Variants in LCMT1 observed in about 807,000 individuals in gnomAD.
The protein encoded by LCMT1 is [Phosphatase 2A protein]-leucine-carboxy methyltransferase 1.
LCMT1 carries 32 observed loss-of-function variants against 47.7 expected under a neutral mutation model. The observed-to-expected ratio is 0.67, with a 90% CI of 0.51 to 0.90. LCMT1 has a LOEUF of 0.90. LCMT1 is among the 40% of genes least tolerant of loss of function. The pLI is 0.00. For missense variants in LCMT1, 375 were observed against 415.2 expected (o/e 0.90, Z 0.84); for synonymous variants, 152 against 149.7 (o/e 1.02, Z -0.11).
chr16:25,128,750 T>C (rs1230688708), intron 2 of LCMT1, among the ~76,000 whole-genome samples, 184 bp downstream of exon 2: 1 of 151,806 alleles, frequency 6.6e-6, no homozygotes, highest in Admixed American at 6.6e-5. Context: ...AATGAGATCA[T>C]GTCCTTTGCA....
intron 1 of LCMT1, among the ~76,000 whole-genome samples, chr16:25,123,448 A>ATC (rs1412627233): frequency 1.3e-5 from 2 of 150,200 alleles, no homozygotes. Flanking sequence ...TGGTCTCAAA[A>ATC]TCCTGACCTC....
At chr16:25,129,500 A>G (rs1442810177) in intron 2 of LCMT1, among the ~76,000 whole-genome samples, 2 of 152,206 alleles carry the variant, frequency 1.3e-5, no homozygotes, top group Admixed American at 1.3e-4. Flanking sequence ...TTTGAAGCCC[A>G]TTTAAATATC....
At chr16:25,142,491 G>T (rs927769122) in intron 4 of LCMT1, 2 of 152,160 alleles carry the variant, frequency 1.3e-5, no homozygotes, top group African/African-American at 4.8e-5. Context: ...AGCTTTTAGG[G>T]AGTGCAAGAG....
chr16:25,149,418 T>A (rs1960997961), intron 4 of LCMT1, among the ~76,000 whole-genome samples: 1 of 152,204 alleles, frequency 6.6e-6, no homozygotes, highest in African/African-American at 2.4e-5. Flanking sequence ...TTAGATTTCC[T>A]AAGGCTAGTT....
chr16:25,153,935 A>G (rs1046545901), intron 5 of LCMT1, among the ~76,000 whole-genome samples: 2 of 152,180 alleles, frequency 1.3e-5, no homozygotes, highest in Non-Finnish European at 2.9e-5. Flanking sequence ...ACTGAGTGAC[A>G]GCATGAGATG....
At chr16:25,143,317 TGAAA>T (rs1294552369) in intron 4 of LCMT1, 1 of 152,184 alleles carries the variant, frequency 6.6e-6, no homozygotes, top group Non-Finnish European at 1.5e-5. Context: ...GTGCGTCTCC[TGAAA>T]GAGTTTGGCT....
intron 4 of LCMT1, chr16:25,148,801 A>C (rs1960966705): frequency 6.6e-6 from 1 of 152,328 alleles, no homozygotes; most frequent in African/African-American, 2.4e-5. Context: ...CCTCCCCTGC[A>C]GGGAGGGAAA....
At chr16:25,173,645 T>G (rs1056378560) in intron 9 of LCMT1, among the ~76,000 whole-genome samples, 7 of 152,220 alleles carry the variant, frequency 4.6e-5, no homozygotes, top group African/African-American at 1.7e-4. Flanking sequence ...TATTTTATTC[T>G]GTATACTTTT....
intron 1 of LCMT1, among the ~76,000 whole-genome samples, chr16:25,113,488 A>G (rs1419611100): frequency 2.0e-5 from 3 of 152,236 alleles, no homozygotes; most frequent in Non-Finnish European, 4.4e-5. Context: ...ATAATAACGC[A>G]TCATAGGTGG....
intron 3 of LCMT1, among the ~76,000 whole-genome samples, chr16:25,139,858 T>C (rs568088361): frequency 3.9e-5 from 6 of 152,018 alleles, no homozygotes; most frequent in African/African-American, 1.4e-4. Context: ...AAATACGGAG[T>C]ATATTCTACT....
intron 6 of LCMT1, among the ~76,000 whole-genome samples, chr16:25,162,378 C>T (rs761485936): frequency 6.6e-5 from 10 of 151,792 alleles, no homozygotes; most frequent in Non-Finnish European, 1.5e-4. Flanking sequence ...CACCTGAGGT[C>T]AGGAGTTCGA....
intron 1 of LCMT1, among the ~76,000 whole-genome samples, chr16:25,123,451 C>G (rs941560334): frequency 1.3e-5 from 2 of 151,922 alleles, no homozygotes; most frequent in African/African-American, 4.8e-5. Context: ...TCTCAAAATC[C>G]TGACCTCGGG....
intron 4 of LCMT1, chr16:25,148,722 G>C (rs918559515): frequency 6.6e-6 from 1 of 152,238 alleles, no homozygotes; most frequent in Admixed American, 6.5e-5. Flanking sequence ...CGAGACTAGA[G>C]GAAAACTCGC....
intron 1 of LCMT1, among the ~76,000 whole-genome samples, chr16:25,124,010 G>T (rs1013462429): frequency 2.6e-5 from 4 of 152,130 alleles, no homozygotes; most frequent in Non-Finnish European, 4.4e-5. Flanking sequence ...TTTCGCAGGG[G>T]TAAGGATAGG....
chr16:25,170,823 G>C lies in LCMT1; in HGVS notation c.884+18G>C, dbSNP rs538787781. On this transcript the variant is annotated intron_variant, in intron 9 of 10. Coordinates refer to ENST00000399069, the MANE Select transcript of LCMT1 (RefSeq NM_016309.3). The stretch of plus-strand genomic sequence containing the variant: ...GTGAGCAGGTATGGGGTTGGTGAGC[G>C]TCAGCTTGATGGGCATTCATTGTGA... 1.3e-6 allele frequency: 2 copies of C among 1,558,214 alleles called. No homozygotes were observed. The highest frequency in any genetic ancestry group is 1.1e-5 in the South Asian group (1 of 87,504).
chr16:25,153,770 T>C (rs1961151209), intron 5 of LCMT1, among the ~76,000 whole-genome samples: 1 of 151,846 alleles, frequency 6.6e-6, no homozygotes, highest in South Asian at 2.1e-4. Context: ...CTGGCCAACA[T>C]GATGAAACCC....
chr16:25,139,723 G>A (rs1056972901), intron 3 of LCMT1, among the ~76,000 whole-genome samples: 4 of 151,764 alleles, frequency 2.6e-5, no homozygotes, highest in Non-Finnish European at 2.9e-5. Flanking sequence ...GCATGGACAG[G>A]GTCTCGCTGT....
intron 8 of LCMT1, chr16:25,169,445 A>G (rs1961688844): frequency 2.6e-6 from 1 of 391,026 alleles, no homozygotes; most frequent in African/African-American, 2.0e-5. Flanking sequence ...GCAAATTTTC[A>G]AACAAACATA....
At chr16:25,175,187 G>C (rs753758250) in intron 10 of LCMT1, among the ~76,000 whole-genome samples, 153 bp downstream of exon 10, 4 of 152,040 alleles carry the variant, frequency 2.6e-5, no homozygotes, top group Non-Finnish European at 4.4e-5. Context: ...TGTCACCCAG[G>C]CTAGAGTGCA....
Sources: allele counts gnomAD v4.1 joint callset (sites outside exome capture counted in the v4.1 genomes callset), GRCh38; gene constraint gnomAD v4.1.1; transcripts MANE v1.5; gene names NCBI Gene and HGNC (gene_info 2026-07-23, HGNC 2026-07-21).